The following DMXL2 variants were observed in gnomAD, a reference collection of about 807,000 sequenced individuals.
DMXL2 encodes dmX-like protein 2.
Under a neutral mutation model 331.1 loss-of-function variants are expected in DMXL2, and 103 were observed. The observed-to-expected ratio is 0.31, with a 90% CI of 0.27 to 0.37. The LOEUF (loss-of-function observed/expected upper bound fraction) is 0.37. DMXL2 is among the 10% of genes least tolerant of loss of function. The pLI, the probability that DMXL2 is intolerant of heterozygous loss-of-function variation, is 1.00. For missense variants in DMXL2, 3,171 were observed against 3,642.9 expected (o/e 0.87, Z 3.33); for synonymous variants, 1,281 against 1,252.1 (o/e 1.02, Z -0.49).
rs1567198744 is a variant in DMXL2 at position 51,622,737 on chromosome 15, C to T, written c.-192G>A. ...CCTGCCATGGGAGCTCCTCGACCGCCGCCGCCGCCCGGGTCGCCGCTCAGC... is the reference window on the plus strand; with the variant it reads ...CCTGCCATGGGAGCTCCTCGACCGCTGCCGCCGCCCGGGTCGCCGCTCAGC... On this transcript the variant is annotated 5_prime_UTR_variant, in exon 1 of 44. Coordinates refer to ENST00000560891, the MANE Select transcript of DMXL2 (RefSeq NM_001378457.1). 9.1e-7 allele frequency: 1 copy of T among 1,096,804 alleles called. No homozygotes were observed. The highest frequency in any genetic ancestry group is 1.2e-6 in the Non-Finnish European group (1 of 802,482). The allele number at this position is 1,096,804 out of a possible 1,614,324, so 67.9% of individuals were successfully genotyped here.
intron 15 of DMXL2, 37 bp downstream of exon 15, chr15:51,514,405 T>A (rs2046917726): frequency 8.3e-7 from 1 of 1,197,738 alleles, no homozygotes; most frequent in Non-Finnish European, 1.2e-6. Context: ...TTTTTTAGCA[T>A]GAAGGTAAAC....
At chr15:51,451,284 A>G (rs1566969267) in intron 42 of DMXL2, among the ~76,000 whole-genome samples, 1 of 152,208 alleles carries the variant, frequency 6.6e-6, no homozygotes, top group Non-Finnish European at 1.5e-5. Context: ...AAAAAAGACA[A>G]AAAGTATTTT....
intron 9 of DMXL2, among the ~76,000 whole-genome samples, chr15:51,538,658 TAAAAAC>T (rs2048415854): frequency 6.6e-6 from 1 of 152,124 alleles, no homozygotes; most frequent in South Asian, 2.1e-4. Flanking sequence ...ACTATTAACT[TAAAAAC>T]AAAATACACG....
At chr15:51,525,139 AC>A (rs1172335943) in intron 13 of DMXL2, among the ~76,000 whole-genome samples, 1 of 148,280 alleles carries the variant, frequency 6.7e-6, no homozygotes, top group South Asian at 2.1e-4. Context: ...TTGTAGACAC[AC>A]CCTGGGCCAG....
At chr15:51,539,210 C>CA (rs1247726090) in intron 9 of DMXL2, among the ~76,000 whole-genome samples, 2,113 of 131,918 alleles carry the variant, frequency 0.016, 18 homozygotes, top group African/African-American at 0.027. Flanking sequence ...ACTCCGTTTC[C>CA]AAAAAAAAAA....
At chr15:51,557,031 G>A (rs1342453301) in intron 6 of DMXL2, among the ~76,000 whole-genome samples, 10 of 149,998 alleles carry the variant, frequency 6.7e-5, no homozygotes, top group Admixed American at 2.0e-4. Flanking sequence ...CTCTGCTAGA[G>A]GTCCTAGACA....
At chr15:51,504,826 T>C (rs1011970674) in intron 16 of DMXL2, among the ~76,000 whole-genome samples, 2 of 152,172 alleles carry the variant, frequency 1.3e-5, no homozygotes, top group African/African-American at 4.8e-5. Context: ...CTGGCTACTT[T>C]CTCACCAGCA....
intron 18 of DMXL2, 60 bp downstream of exon 18, chr15:51,498,492 G>T: frequency 6.6e-7 from 1 of 1,512,036 alleles, no homozygotes. Flanking sequence ...AGTCAGTATA[G>T]AGATAATACA....
chr15:51,454,747 G>A (rs555082292), intron 40 of DMXL2, among the ~76,000 whole-genome samples: 15 of 152,094 alleles, frequency 9.9e-5, no homozygotes, highest in South Asian at 6.2e-4. Flanking sequence ...TGCCCGCCTC[G>A]GCCTCCCAAA....
chr15:51,622,174 T>G (rs1385766189), intron 1 of DMXL2, among the ~76,000 whole-genome samples: 2 of 152,166 alleles, frequency 1.3e-5, no homozygotes, highest in East Asian at 3.9e-4. Flanking sequence ...AGGGCCGCCC[T>G]AGGAGGAGCC....
At chr15:51,526,357 C>T (rs971869368) in intron 13 of DMXL2, among the ~76,000 whole-genome samples, 1 of 152,172 alleles carries the variant, frequency 6.6e-6, no homozygotes, top group Non-Finnish European at 1.5e-5. Context: ...GCTTGGGGTC[C>T]CCCCAAAGCA....
At chr15:51,585,652 T>C (rs1391144414) in intron 1 of DMXL2, among the ~76,000 whole-genome samples, 4 of 152,210 alleles carry the variant, frequency 2.6e-5, no homozygotes, top group South Asian at 2.1e-4. Context: ...AAAAAGATTA[T>C]AGCCCCAAGC....
chr15:51,493,757 A>C (rs752650675), intron 19 of DMXL2, among the ~76,000 whole-genome samples: 9 of 152,210 alleles, frequency 5.9e-5, no homozygotes, highest in Non-Finnish European at 1.2e-4. Context: ...AACTGATTCA[A>C]TACCACTTGA....
rs74013219 is a variant in DMXL2, at chr15:51,451,739, T to G, written c.8697-42A>C. ...ATAACAAAAATACATCATAAATGAT[T>G]GTTATAAGTCGTCATCAGGGACAAC... On this transcript the variant is annotated intron_variant, in intron 41 of 43. Coordinates refer to ENST00000560891, the MANE Select transcript of DMXL2 (RefSeq NM_001378457.1). The G allele has an allele frequency of 3.6e-4, 559 of 1,542,484 alleles. No homozygotes were observed. In the African/African-American group the frequency reaches 7.0e-3, roughly 19 times the overall value.
intron 9 of DMXL2, 135 bp downstream of exon 9, chr15:51,542,198 A>G (rs2048634898): frequency 2.4e-6 from 2 of 834,710 alleles, no homozygotes; most frequent in Admixed American, 2.9e-5. Context: ...GGTACTTTAT[A>G]TTATATCTCT....
chr15:51,459,985 G>A, intron 33 of DMXL2: 1 of 984,856 alleles, frequency 1.0e-6, no homozygotes, highest in Non-Finnish European at 1.2e-6. Flanking sequence ...ATTTGTATAA[G>A]CAGATGCAGA....
At chr15:51,620,511 G>A (rs8028017) in intron 1 of DMXL2, among the ~76,000 whole-genome samples, 72,351 of 152,062 alleles carry the variant, frequency 0.48, 17,627 homozygotes, top group Non-Finnish European at 0.52. Context: ...GAGAATACTT[G>A]ACAAGTTTAC....
chr15:51,478,993 G>C (rs1441974115), intron 25 of DMXL2, among the ~76,000 whole-genome samples: 1 of 151,780 alleles, frequency 6.6e-6, no homozygotes, highest in Non-Finnish European at 1.5e-5. Context: ...CTTTAAATTT[G>C]AAGGGACCTT....
intron 37 of DMXL2, among the ~76,000 whole-genome samples, chr15:51,456,729 T>A (rs1339746821): frequency 6.6e-6 from 1 of 152,244 alleles, no homozygotes; most frequent in African/African-American, 2.4e-5. Flanking sequence ...CTGACATGCT[T>A]TCAAGCACTT....
Sources: allele counts gnomAD v4.1 joint callset (sites outside exome capture counted in the v4.1 genomes callset), GRCh38; gene constraint gnomAD v4.1.1; transcripts MANE v1.5; gene names NCBI Gene and HGNC (gene_info 2026-07-23, HGNC 2026-07-21).